The following PNCK variants were observed in gnomAD, a reference collection of about 807,000 sequenced individuals.
PNCK encodes pregnancy up-regulated nonubiquitous CaM kinase.
PNCK carries 21 observed loss-of-function variants against 28.3 expected under a neutral mutation model. The observed-to-expected ratio is 0.74, with a 90% CI of 0.53 to 1.07. PNCK has a LOEUF of 1.07. PNCK is among the 50% of genes least tolerant of loss of function. The pLI, the probability that PNCK is intolerant of heterozygous loss-of-function variation, is 0.00. For missense variants in PNCK, 250 were observed against 298.3 expected, an observed-to-expected ratio of 0.84 and a Z score of 1.19; for synonymous variants, 136 against 125.2, an observed-to-expected ratio of 1.09 and a Z score of -0.58.
At position 153,670,549 on chromosome X, in the gene PNCK, C is replaced by G. The variant is rs148971524; in HGVS notation, c.940G>C (p.Gly314Arg). The change falls in exon 11 of 12, where the codon GGG becomes CGG. Residue 314 changes from glycine (G) to arginine (R), a missense_variant. Transcript: ENST00000340888. Reference sequence around the variant, plus strand: ...GCCCCCTCGCCCTCTGGGATCTGCCCCAGCTTCCGGATGTGGCGCAGGAAC... The same window carrying G: ...GCCCCCTCGCCCTCTGGGATCTGCCGCAGCTTCCGGATGTGGCGCAGGAAC... The part of the protein sequence containing the change: ...TSFLRHIRKL[G>R]QIPEGEGASE... 7.4e-6 allele frequency: 9 copies of G among 1,211,053 alleles called. No individual in the cohort carries two copies. Among genetic ancestry groups the G allele is most frequent in the Non-Finnish European group, 1.0e-5 (9 of 895,327 alleles).
intron 1 of PNCK, among the ~76,000 whole-genome samples, chrX:153,684,532 T>C (rs1022495790): frequency 3.3e-5 from 3 of 90,898 alleles, no homozygotes; most frequent in East Asian, 3.4e-4. Context: ...GTCGGCCCCC[T>C]CCCCAGGAGC....
chrX:153,672,990 C>G lies in PNCK; in HGVS notation c.68+19G>C, dbSNP rs2148340673. The G allele has an allele frequency of 8.6e-7, 1 of 1,164,384 alleles. No homozygotes were observed. The highest frequency in any genetic ancestry group is 1.8e-5 in the African/African-American group (1 of 56,089). ...ACACACACACACACACACGATCACACACGCGCGCGCACACTCACGAGCCGA... is the reference window on the plus strand; with the variant it reads ...ACACACACACACACACACGATCACAGACGCGCGCGCACACTCACGAGCCGA... On this transcript the variant is annotated intron_variant, in intron 2 of 11. Transcript: ENST00000340888.
upstream of PNCK, among the ~76,000 whole-genome samples, chrX:153,677,530 A>G (rs1302407926): frequency 9.4e-6 from 1 of 106,520 alleles, no homozygotes; most frequent in African/African-American, 3.4e-5. Context: ...GTATATACAT[A>G]TATATACATA....
At chrX:153,671,411 C>A (rs1198850233) in intron 6 of PNCK, 51 bp from the exon 7 acceptor site, 6 of 1,212,016 alleles carry the variant, frequency 5.0e-6, no homozygotes, top group Non-Finnish European at 6.7e-6. Flanking sequence ...CGCAGCCATG[C>A]CGCTCAGTGT....
chrX:153,675,293 AAAGT>A (rs1490040056), upstream of PNCK: 1 of 112,032 alleles, frequency 8.9e-6, no homozygotes, highest in African/African-American at 3.3e-5. Context: ...GTGCCCCAGA[AAAGT>A]AATAAAAAAC....
At chrX:153,680,751 TG>T (rs2148350873) in intron 1 of PNCK, among the ~76,000 whole-genome samples, 1 of 107,970 alleles carries the variant, frequency 9.3e-6, no homozygotes, top group Non-Finnish European at 1.9e-5. Flanking sequence ...CCTTCAGGGC[TG>T]GGCGCGGTGG....
rs894715170 is a variant in PNCK, at chrX:153,670,101, G to C, written c.*37C>G. The stretch of plus-strand genomic sequence containing the variant: ...AAAGCATCCAAGGGAAGGAAATCTG[G>C]GGGTCAGTCCACTTGGCCTCGGCAT... On this transcript the variant is annotated 3_prime_UTR_variant, in exon 12 of 12. Coordinates refer to ENST00000340888, the MANE Select transcript of PNCK (RefSeq NM_001366977.1). The C allele has an allele frequency of 3.3e-6, 1 of 305,944 alleles. No individual in the cohort carries two copies. The highest frequency in any genetic ancestry group is 6.0e-6 in the Non-Finnish European group (1 of 167,066). 25.2% of individuals were successfully genotyped at this position (305,944 alleles called of 1,213,427 possible). A position where few individuals can be genotyped will look rare whatever the true frequency, so the allele number is the denominator to read the frequency against.
chrX:153,674,932 G>A (rs1557041335), upstream of PNCK: 1 of 111,927 alleles, frequency 8.9e-6, no homozygotes, highest in Non-Finnish European at 1.9e-5. Flanking sequence ...TATACTCTGT[G>A]TAAAAACTGG....
chrX:153,670,656 G>A (rs1415916077), intron 10 of PNCK, 62 bp from the exon 11 acceptor site: 1 of 1,190,123 alleles, frequency 8.4e-7, no homozygotes. Context: ...TAGACTGTGA[G>A]GACTGCAGTG....
chrX:153,684,348 T>C (rs1313735868), intron 1 of PNCK, among the ~76,000 whole-genome samples: 1 of 112,185 alleles, frequency 8.9e-6, no homozygotes, highest in Non-Finnish European at 1.9e-5. Flanking sequence ...CTAATAAAAG[T>C]TTACATAAAA....
chrX:153,684,730 C>A (rs1306155668), intron 1 of PNCK, among the ~76,000 whole-genome samples: 1 of 110,199 alleles, frequency 9.1e-6, no homozygotes, highest in Admixed American at 9.6e-5. Flanking sequence ...AGCCCCTCCC[C>A]GGTCCGCAGC....
rs1419776030 is a variant in PNCK at position 153,672,828 on chromosome X, C to T, written c.69-131G>A. On this transcript the variant is annotated intron_variant, in intron 2 of 11. Transcript: ENST00000340888. ...GGCCCTACCTGGCCCTGTGCCACCCCCCACCACCACTCACACATGCCATCT... is the reference window on the plus strand; with the variant it reads ...GGCCCTACCTGGCCCTGTGCCACCCTCCACCACCACTCACACATGCCATCT... 3 of 932,465 alleles carry T rather than the reference C, an allele frequency of 3.2e-6. No homozygotes were observed. The African/African-American group carries it at 5.8e-5, about 18-fold the overall frequency. The allele number at this position is 932,465 out of a possible 1,213,427, so 76.8% of individuals were successfully genotyped here.
intron 2 of PNCK, 52 bp downstream of exon 2, chrX:153,672,957 A>G (rs1225487457): frequency 8.7e-6 from 4 of 459,350 alleles, no homozygotes; most frequent in Admixed American, 1.2e-4. Context: ...ACACAGGTAC[A>G]CACACACACA....
rs141426834 is a variant in PNCK, at chrX:153,670,784, C to A, written c.854G>T (p.Ser285Ile). ...AGCAAAGTTCTTCCGGATCTGCTCA[C>A]TGACAGAGCCTAAGATGTCCCTGTC... ...AFDRDILGSVSEQIRKNFART... is the reference protein window; with the variant it reads ...AFDRDILGSVIEQIRKNFART... Residue 285 changes from serine (S) to isoleucine (I), a missense_variant, in exon 10 of 12, where the codon AGT (serine) becomes ATT (isoleucine). Coordinates refer to ENST00000340888, the MANE Select transcript of PNCK (RefSeq NM_001366977.1). The A allele has an allele frequency of 1.5e-5, 18 of 1,210,003 alleles. No homozygotes were observed. Among genetic ancestry groups the A allele is most frequent in the Non-Finnish European group, 2.0e-5 (18 of 894,671 alleles).
In PNCK at chrX:153,671,743, G is replaced by A. The variant is rs1330672928; in HGVS notation, c.415-71C>T. On this transcript the variant is annotated intron_variant, in intron 5 of 11. Coordinates refer to ENST00000340888, the MANE Select transcript of PNCK (RefSeq NM_001366977.1). The stretch of plus-strand genomic sequence containing the variant: ...GGTGCCGGTGCTGGGACAGGATGGG[G>A]ACTAGGCACTCTCAGGTTCCCCAGA... 3.4e-6 allele frequency: 4 copies of A among 1,162,757 alleles called. No individual in the cohort carries two copies. In the African/African-American group the frequency reaches 7.2e-5, roughly 21 times the overall value.
upstream of PNCK, chrX:153,674,215 G>T: frequency 8.6e-7 from 1 of 1,165,340 alleles, no homozygotes; most frequent in Non-Finnish European, 1.1e-6. Context: ...CCACAGCTCT[G>T]CCACCCTGGG....
chrX:153,671,365 G>C lies in PNCK; in HGVS notation c.539-5C>G, dbSNP rs1557039760. 8.3e-7 allele frequency: 1 copy of C among 1,212,077 alleles called. No individual in the cohort carries two copies. On this transcript the variant is annotated splice_region_variant and splice_polypyrimidine_tract_variant and intron_variant, in intron 6 of 11. Coordinates refer to ENST00000340888, the MANE Select transcript of PNCK (RefSeq NM_001366977.1). The stretch of plus-strand genomic sequence containing the variant: ...TCTGCTCCAAGAGCTCTGGGGCTGG[G>C]GGCCAGAGACAGACAGACGCACGCA...
chrX:153,670,828 G>A lies in PNCK; in HGVS notation c.810C>T (p.Ile270=), dbSNP rs2091286855. 9 of 1,209,266 alleles carry A rather than the reference G, an allele frequency of 7.4e-6. No individual in the cohort carries two copies. Among genetic ancestry groups the A allele is most frequent in the Non-Finnish European group, 1.0e-5 (9 of 893,884 alleles). ...TCQQALRHLW[I]SGDTAFDRDI... ...CCCTGTCGAAGGCTGTGTCCCCAGA[G>A]ATCCTGGGGAAAGGCTGAAGGTCAG... The change falls in exon 10 of 12, where the codon ATC becomes ATT. Residue 270 remains isoleucine, a synonymous_variant. Transcript: ENST00000340888.
intron 1 of PNCK, chrX:153,673,532 G>A: frequency 5.4e-6 from 2 of 372,328 alleles, no homozygotes; most frequent in Non-Finnish European, 4.3e-6. Flanking sequence ...ACCCCCGCGC[G>A]CAGCCACCTG....
Sources: gnomAD v4.1 joint callset for allele counts (sites outside exome capture counted in the v4.1 genomes callset) on GRCh38, gnomAD v4.1.1 for gene constraint, MANE v1.5 for transcripts, NCBI Gene and HGNC (gene_info 2026-07-23, HGNC 2026-07-21) for gene names.